CHN1: variants seen among roughly 807,000 people sequenced by gnomAD.
The protein encoded by CHN1 is chimerin 1, also known as N-chimaerin.
CHN1 carries 37 observed loss-of-function variants against 59.5 expected under a neutral mutation model. The observed-to-expected ratio is 0.62, with a 90% CI of 0.48 to 0.82. The LOEUF (loss-of-function observed/expected upper bound fraction) is 0.82, where lower values mean the gene tolerates loss of function less well. Ranked by LOEUF, CHN1 falls within the 40% of genes least tolerant of loss-of-function variation. The pLI is 0.00. For synonymous variants in CHN1, 206 were observed against 200.4 expected (o/e 1.03, Z -0.24); for missense variants, 469 against 571.0 (o/e 0.82, Z 1.82).
At chr2:174,905,794 G>A (rs1395265960) in intron 5 of CHN1, among the ~76,000 whole-genome samples, 5 of 152,056 alleles carry the variant, frequency 3.3e-5, no homozygotes, top group Non-Finnish European at 5.9e-5. Flanking sequence ...TCCTGACCTC[G>A]TGATCTACCC....
Position 174,808,923 on chromosome 2 carries a change from T to G in CHN1, c.1084A>C (p.Lys362Gln), listed in dbSNP as rs1294490635. 1 of 1,613,708 alleles carries G rather than the reference T, an allele frequency of 6.2e-7. No homozygotes were observed. Among genetic ancestry groups the G allele is most frequent in the African/African-American group, 1.3e-5 (1 of 75,036 alleles). Reference sequence around the variant, plus strand: ...TACTTACTGGCAGATTCTATAAACTTAGGGTAGGCATCATATGTAATGAGT... The same window carrying G: ...TACTTACTGGCAGATTCTATAAACTGAGGGTAGGCATCATATGTAATGAGT... ...IPLITYDAYPKFIESAKIMDP... is the reference protein window; with the variant it reads ...IPLITYDAYPQFIESAKIMDP... Residue 362 changes from lysine (K) to glutamine (Q), a missense_variant, in exon 11 of 13, where the codon AAG becomes CAG. By Grantham distance (53) the Lys-to-Gln change is moderately conservative. Around this residue, in one of 5 missense-constraint regions of CHN1, gnomAD observed 225 missense variants for 289.9 expected, o/e 0.78. Coordinates refer to ENST00000409900, the MANE Select transcript of CHN1 (RefSeq NM_001822.7).
At chr2:174,991,285 G>C (rs1050923374) in intron 1 of CHN1, among the ~76,000 whole-genome samples, 1 of 152,158 alleles carries the variant, frequency 6.6e-6, no homozygotes. Context: ...TAAAAGAAGA[G>C]AGAACAGCTC....
At chr2:174,801,669 A>G in intron 12 of CHN1, 38 bp downstream of exon 12, 1 of 1,415,970 alleles carries the variant, frequency 7.1e-7, no homozygotes, top group Non-Finnish European at 9.9e-7. Flanking sequence ...TAAAATTTGG[A>G]TGCAATACAA....
chr2:174,919,829 T>C (rs1688955748), intron 3 of CHN1, among the ~76,000 whole-genome samples: 1 of 152,154 alleles, frequency 6.6e-6, no homozygotes, highest in African/African-American at 2.4e-5. Context: ...ATATAATACA[T>C]TGTTATTAAC....
intron 6 of CHN1, among the ~76,000 whole-genome samples, chr2:174,873,355 CA>C (rs1687468616): frequency 6.6e-6 from 1 of 152,102 alleles, no homozygotes; most frequent in African/African-American, 2.4e-5. Context: ...AAAAAAGGCC[CA>C]AAAGACTGGG....
At chr2:174,962,623 A>T (rs576303249) in intron 1 of CHN1, among the ~76,000 whole-genome samples, 22 of 126,860 alleles carry the variant, frequency 1.7e-4, no homozygotes, top group South Asian at 1.4e-3. Context: ...ATGGCTGGGC[A>T]CGGTGGCTCA....
At chr2:174,914,842 CAAAA>C (rs577375465) in intron 5 of CHN1, among the ~76,000 whole-genome samples, 2 of 100,084 alleles carry the variant, frequency 2.0e-5, no homozygotes, top group African/African-American at 3.7e-5. Context: ...AGATTCCATT[CAAAA>C]AAAAAAAAAA....
intron 6 of CHN1, among the ~76,000 whole-genome samples, chr2:174,876,761 G>C (rs1687576757): frequency 6.6e-6 from 1 of 152,172 alleles, no homozygotes; most frequent in Non-Finnish European, 1.5e-5. Flanking sequence ...CTTGAGGTCA[G>C]ATGGCTGCTA....
At chr2:174,979,535 C>T (rs182103732) in intron 1 of CHN1, among the ~76,000 whole-genome samples, 248 of 152,242 alleles carry the variant, frequency 1.6e-3, no homozygotes, top group African/African-American at 5.9e-3. Flanking sequence ...GTACATAGGG[C>T]TGGGCGCGGT....
chr2:174,805,102 C>G (rs545340363), intron 11 of CHN1, among the ~76,000 whole-genome samples: 1 of 152,224 alleles, frequency 6.6e-6, no homozygotes, highest in Admixed American at 6.5e-5. Context: ...CATCAGTTGT[C>G]AAATATACAA....
At chr2:174,895,049 G>GCACA (rs751627983) in intron 5 of CHN1, among the ~76,000 whole-genome samples, 28 of 129,280 alleles carry the variant, frequency 2.2e-4, no homozygotes, top group South Asian at 9.1e-4. Context: ...ACACACGCGC[G>GCACA]CACACACACA....
intron 1 of CHN1, among the ~76,000 whole-genome samples, chr2:174,967,625 C>G (rs1055825194): frequency 2.6e-5 from 4 of 152,064 alleles, no homozygotes; most frequent in Non-Finnish European, 5.9e-5. Context: ...AGAATTTTTA[C>G]TTTTTATAAG....
At chr2:174,865,697 G>A (rs1415757195) in intron 6 of CHN1, among the ~76,000 whole-genome samples, 2 of 152,162 alleles carry the variant, frequency 1.3e-5, no homozygotes, top group Non-Finnish European at 2.9e-5. Context: ...AAAGGGAATG[G>A]TTTGATTGGC....
At chr2:174,958,622 T>G (rs77002762) in intron 1 of CHN1, among the ~76,000 whole-genome samples, 1 of 152,160 alleles carries the variant, frequency 6.6e-6, no homozygotes, top group Admixed American at 6.5e-5. Flanking sequence ...TTAGGGAACA[T>G]CAACCTTTAC....
chr2:174,868,950 G>A (rs532332049), intron 6 of CHN1, among the ~76,000 whole-genome samples: 7 of 152,288 alleles, frequency 4.6e-5, no homozygotes, highest in African/African-American at 1.7e-4. Flanking sequence ...GGTACCATGA[G>A]GTAGAGTTCA....
intron 5 of CHN1, among the ~76,000 whole-genome samples, chr2:174,902,426 TTAAA>T (rs1457051068): frequency 1.3e-5 from 2 of 152,180 alleles, no homozygotes; most frequent in Non-Finnish European, 2.9e-5. Flanking sequence ...ATATTATATT[TTAAA>T]TAAATTGTGC....
intron 1 of CHN1, among the ~76,000 whole-genome samples, chr2:175,002,229 G>A (rs961138697): frequency 6.6e-5 from 10 of 152,170 alleles, no homozygotes; most frequent in African/African-American, 2.2e-4. Flanking sequence ...CATTTGAAAG[G>A]AGAAGAAAAA....
At chr2:174,941,734 A>AT (rs879329130) in intron 3 of CHN1, among the ~76,000 whole-genome samples, 37 of 150,806 alleles carry the variant, frequency 2.5e-4, no homozygotes, top group African/African-American at 5.1e-4. Flanking sequence ...AAAATAAACT[A>AT]TTTTTTTTTC....
chr2:174,856,177 C>T (rs1238112386), intron 6 of CHN1, among the ~76,000 whole-genome samples: 2 of 152,066 alleles, frequency 1.3e-5, no homozygotes. Context: ...TGTATCAGAA[C>T]TCTATAAATT....
Sources: gnomAD v4.1 joint callset for allele counts (sites outside exome capture counted in the v4.1 genomes callset) on GRCh38, gnomAD v4.1.1 for gene constraint, gnomAD v4.1.1 regional missense constraint, MANE v1.5 for transcripts, NCBI Gene and HGNC (gene_info 2026-07-23, HGNC 2026-07-21) for gene names.